Variants in DIPK1C observed in about 807,000 individuals in gnomAD.
DIPK1C encodes familial non-conventional Alzheimer's dementia.
Under a neutral mutation model 28.0 loss-of-function variants are expected in DIPK1C, and 33 were observed. The observed-to-expected ratio is 1.18, with a 90% CI of 0.89 to 1.58. DIPK1C has a LOEUF of 1.58. Ranked by LOEUF, DIPK1C falls within the 40% of genes most tolerant of loss-of-function variation. DIPK1C has a pLI of 0.00. For synonymous variants in DIPK1C, 255 were observed against 248.8 expected (o/e 1.02, Z -0.23); for missense variants, 569 against 568.5 (o/e 1.00, Z -0.01).
At chr18:74,455,373 T>C (rs1599042986) in intron 1 of DIPK1C, among the ~76,000 whole-genome samples, 2 of 152,210 alleles carry the variant, frequency 1.3e-5, no homozygotes, top group Admixed American at 1.3e-4. Context: ...TCAATGTTTG[T>C]TTACTATAAT....
At chr18:74,453,059 A>G (rs561455393) in intron 1 of DIPK1C, among the ~76,000 whole-genome samples, 53 of 152,338 alleles carry the variant, frequency 3.5e-4, no homozygotes, top group African/African-American at 1.3e-3. Flanking sequence ...TGTGCTTCTC[A>G]TGGATGTGAA....
chr18:74,450,387 C>T (rs1220552093), intron 1 of DIPK1C, among the ~76,000 whole-genome samples: 1 of 152,196 alleles, frequency 6.6e-6, no homozygotes, highest in Middle Eastern at 3.2e-3. Flanking sequence ...AAGCACACAA[C>T]AGGACTCCAG....
chr18:74,437,937 G>C (rs1986035259), intron 3 of DIPK1C, among the ~76,000 whole-genome samples: 1 of 152,164 alleles, frequency 6.6e-6, no homozygotes, highest in Non-Finnish European at 1.5e-5. Flanking sequence ...TGTGACCCAG[G>C]CTGGAGTGCA....
rs201783677 is a variant in DIPK1C, at chr18:74,436,662, C to T, written c.1099G>A (p.Val367Ile). ...WFSAPLKSSA[V>I]SFQLQLQLQE... ...AACTGCAGCTGAAGCTGGAAAGAGACCGCAGAGCTCTTGAGAGGCGCGGAA... is the reference window on the plus strand; with the variant it reads ...AACTGCAGCTGAAGCTGGAAAGAGATCGCAGAGCTCTTGAGAGGCGCGGAA... Residue 367 changes from valine (V) to isoleucine (I), a missense_variant, in exon 4 of 4, where the codon GTC (valine) becomes ATC (isoleucine). Transcript: ENST00000343998. 236 of 1,614,050 alleles carry T rather than the reference C, an allele frequency of 1.5e-4. 2 individuals are homozygous for T. In the African/African-American group the frequency reaches 2.8e-3, roughly 19 times the overall value.
At chr18:74,452,212 C>T (rs927092856) in intron 1 of DIPK1C, among the ~76,000 whole-genome samples, 3 of 152,166 alleles carry the variant, frequency 2.0e-5, no homozygotes, top group African/African-American at 4.8e-5. Context: ...CGTCTGTATA[C>T]AAGTGTGGTT....
At position 74,447,295 on chromosome 18, in the gene DIPK1C, G is replaced by A. The variant is rs927092013; in HGVS notation, c.199-12C>T. 4.0e-6 allele frequency: 6 copies of A among 1,512,686 alleles called. No individual in the cohort carries two copies. The highest frequency in any genetic ancestry group is 4.4e-6 in the Non-Finnish European group (5 of 1,127,490). The allele number at this position is 1,512,686 out of a possible 1,614,324, so 93.7% of individuals were successfully genotyped here. On this transcript the variant is annotated splice_polypyrimidine_tract_variant and intron_variant, in intron 1 of 3. Coordinates refer to ENST00000343998, the MANE Select transcript of DIPK1C (RefSeq NM_001044369.3). The surrounding 1 kb of genome is among the most constrained non-coding windows in gnomAD (Gnocchi z 4.1). ...TGGTAGTCCTGGCACTGGAAGGAAG[G>A]GAACAGTCGGTCACCATGGGGAGGG...
Position 74,457,134 on chromosome 18 carries a change from C to T in DIPK1C, c.126G>A (p.Leu42=). The change falls in exon 1 of 4, where the codon CTG becomes CTA. Residue 42 remains leucine (L), a synonymous_variant. Transcript: ENST00000343998. ...TAGWVLAAAL[L]LRAHPGVLSE... The stretch of plus-strand genomic sequence containing the variant: ...AGAGGACACCCGGGTGCGCGCGGAG[C>T]AGCAGCGCGGCCGCCAGCACCCAGC... 1 of 1,439,746 alleles carries T rather than the reference C, an allele frequency of 6.9e-7. No homozygotes were observed. The highest frequency in any genetic ancestry group is 9.1e-7 in the Non-Finnish European group (1 of 1,102,750). 89.2% of individuals were successfully genotyped at this position (1,439,746 alleles called of 1,614,324 possible).
chr18:74,448,629 G>A lies in DIPK1C; in HGVS notation c.199-1346C>T, dbSNP rs559836653. On this transcript the variant is annotated intron_variant, in intron 1 of 3. Coordinates refer to ENST00000343998, the MANE Select transcript of DIPK1C (RefSeq NM_001044369.3). ...TGTACTGGCCAAGAGGGAAGTGTGT[G>A]TGCACACCACAGTGTATGCACGAGC... Among the ~76,000 whole-genome samples the A allele has an allele frequency of 8.5e-5, 13 of 152,270 alleles. No homozygotes were observed. The East Asian group carries it at 2.3e-3, about 27-fold the overall frequency.
chr18:74,438,781 G>A (rs1035458039), intron 3 of DIPK1C, among the ~76,000 whole-genome samples: 11 of 152,338 alleles, frequency 7.2e-5, no homozygotes, highest in Middle Eastern at 3.4e-3. Flanking sequence ...GCCTGTCCTT[G>A]AGAACCACAC....
At chr18:74,446,501 A>C in intron 2 of DIPK1C, 105 bp downstream of exon 2, 1 of 1,134,472 alleles carries the variant, frequency 8.8e-7, no homozygotes, top group Non-Finnish European at 1.2e-6. Flanking sequence ...AAGCAACAGT[A>C]GTTTGCTAAC....
chr18:74,445,797 C>T (rs577918516), intron 2 of DIPK1C, among the ~76,000 whole-genome samples: 1 of 152,340 alleles, frequency 6.6e-6, no homozygotes, highest in African/African-American at 2.4e-5. Flanking sequence ...GCACCCATGA[C>T]ATGCCTGCCA....
chr18:74,455,453 T>C (rs1443458231), intron 1 of DIPK1C, among the ~76,000 whole-genome samples: 1 of 152,102 alleles, frequency 6.6e-6, no homozygotes, highest in Admixed American at 6.5e-5. Flanking sequence ...AAAAGGACTT[T>C]TATGGGTTAC....
Position 74,436,588 on chromosome 18 carries a change from G to T in DIPK1C, c.1173C>A (p.Asn391Lys), listed in dbSNP as rs1985999587. The change falls in exon 4 of 4, where the codon AAC becomes AAA. Residue 391 changes from asparagine to lysine, a missense_variant. Coordinates refer to ENST00000343998, the MANE Select transcript of DIPK1C (RefSeq NM_001044369.3). ...ECADPGVPSGNTRRAASSVFW... is the reference protein window; with the variant it reads ...ECADPGVPSGKTRRAASSVFW... ...ACACGCTGGAGGCTGCTCTCCGGGT[G>T]TTCCCACTGGGGACCCCAGGGTCTG... 6.2e-7 allele frequency: 1 copy of T among 1,612,718 alleles called. No homozygotes were observed. Among genetic ancestry groups the T allele is most frequent in the South Asian group, 1.1e-5 (1 of 90,914 alleles).
rs569033563 is a variant in DIPK1C at position 74,436,910 on chromosome 18, C to A, written c.1042-191G>T. 2.0e-5 allele frequency among the ~76,000 whole-genome samples: 3 copies of A among 151,596 alleles called. No individual in the cohort carries two copies. In the East Asian group the frequency reaches 5.8e-4, roughly 29 times the overall value. ...CTTCTGCCCCTTAAACCCTTCAGCA[C>A]CATGAACAAAAGACGCCTCCGAGAG... On this transcript the variant is annotated intron_variant, in intron 3 of 3. Coordinates refer to ENST00000343998, the MANE Select transcript of DIPK1C (RefSeq NM_001044369.3).
chr18:74,457,344 C>T, upstream of DIPK1C: 1 of 945,172 alleles, frequency 1.1e-6, no homozygotes, highest in Non-Finnish European at 1.3e-6. Flanking sequence ...CTCAGGCCCG[C>T]TCGGCGGGGA....
At chr18:74,443,104 C>T (rs1258710861) in intron 2 of DIPK1C, among the ~76,000 whole-genome samples, 6 of 152,158 alleles carry the variant, frequency 3.9e-5, no homozygotes, top group Admixed American at 1.3e-4. Context: ...ACAGGAGCGA[C>T]GCCTGAGTTC....
intron 3 of DIPK1C, among the ~76,000 whole-genome samples, chr18:74,440,409 C>A (rs190390101): frequency 1.5e-4 from 23 of 152,316 alleles, no homozygotes; most frequent in South Asian, 4.1e-4. Flanking sequence ...CACATCCCCT[C>A]AAGAGAGAAG....
intron 1 of DIPK1C, among the ~76,000 whole-genome samples, chr18:74,451,765 C>A (rs1311908290): frequency 1.3e-5 from 2 of 152,224 alleles, no homozygotes; most frequent in African/African-American, 4.8e-5. Flanking sequence ...GCTGACCAGA[C>A]CTGCCAGCTT....
upstream of DIPK1C, among the ~76,000 whole-genome samples, chr18:74,458,840 A>G (rs532376336): frequency 3.0e-4 from 45 of 152,132 alleles, no homozygotes; most frequent in African/African-American, 1.1e-3. Context: ...TAAACTCTCA[A>G]TTCAAGGCCA....
Sources: gnomAD v4.1 joint callset for allele counts (sites outside exome capture counted in the v4.1 genomes callset) on GRCh38, gnomAD v4.1.1 for gene constraint, Gnocchi (gnomAD v3.1) non-coding constraint, MANE v1.5 for transcripts, NCBI Gene and HGNC (gene_info 2026-07-23, HGNC 2026-07-21) for gene names.